FER: variants seen among roughly 807,000 people sequenced by gnomAD.
FER encodes FER tyrosine kinase, also known as tyrosine-protein kinase Fer.
In FER, 63 loss-of-function variants were observed where a neutral mutation model predicts 111.0. The observed-to-expected ratio is 0.57, with a 90% CI of 0.46 to 0.70. The LOEUF is 0.70. FER is among the 30% of genes least tolerant of loss of function. The probability of loss-of-function intolerance (pLI) is 0.00; values close to 1 mark genes in which losing one functional copy is unlikely to be tolerated. For synonymous variants in FER, 327 were observed against 313.9 expected (o/e 1.04, Z -0.44); for missense variants, 914 against 954.0 (o/e 0.96, Z 0.55).
rs868750514 is a variant in FER, at chr5:108,945,195, C to T, written c.1237-935C>T. On this transcript the variant is annotated intron_variant, in intron 10 of 19. Transcript: ENST00000281092. ...GGCATCACTAATGCTGGAAGACATA[C>T]GGAATTAGTGTGCTTGACAAAAGGA... 7.2e-5 allele frequency among the ~76,000 whole-genome samples: 11 copies of T among 152,186 alleles called. No homozygotes were observed. In the East Asian group the frequency reaches 7.7e-4, roughly 11 times the overall value.
intron 5 of FER, among the ~76,000 whole-genome samples, chr5:108,865,767 T>G (rs1763984075): frequency 1.3e-5 from 2 of 152,178 alleles, no homozygotes; most frequent in Admixed American, 6.5e-5. Flanking sequence ...CATCAAAAAG[T>G]GGGCGAAGGA....
intron 14 of FER, among the ~76,000 whole-genome samples, chr5:109,044,191 T>C (rs1409834943): frequency 6.6e-6 from 1 of 151,764 alleles, no homozygotes; most frequent in Non-Finnish European, 1.5e-5. Context: ...CCTTTTTTTT[T>C]TTTTGGAGAC....
intron 17 of FER, among the ~76,000 whole-genome samples, chr5:109,130,318 T>C (rs1196919094): frequency 6.6e-6 from 1 of 152,088 alleles, no homozygotes; most frequent in Non-Finnish European, 1.5e-5. Flanking sequence ...AGTTTTCCCC[T>C]GAGAAGGCTT....
intron 2 of FER, among the ~76,000 whole-genome samples, chr5:108,782,044 A>T (rs946456662): frequency 3.3e-5 from 5 of 151,962 alleles, no homozygotes; most frequent in African/African-American, 7.3e-5. Flanking sequence ...TAAGTTTCCC[A>T]CTTGTTGGCA....
chr5:108,823,243 A>G (rs1181070257), intron 3 of FER, among the ~76,000 whole-genome samples: 1 of 152,210 alleles, frequency 6.6e-6, no homozygotes, highest in African/African-American at 2.4e-5. Flanking sequence ...GACAATGAAC[A>G]TGAGATTACA....
Position 108,856,950 on chromosome 5 carries a change from A to G in FER, c.482-10817A>G, listed in dbSNP as rs557242437. Among the ~76,000 whole-genome samples the G allele has an allele frequency of 8.5e-5, 13 of 152,282 alleles. No individual in the cohort carries two copies. In the East Asian group the frequency reaches 2.3e-3, roughly 27 times the overall value. On this transcript the variant is annotated intron_variant, in intron 5 of 19. Coordinates refer to ENST00000281092, the MANE Select transcript of FER (RefSeq NM_005246.4). The stretch of plus-strand genomic sequence containing the variant: ...TAAATAATACCAGTTCTTTAGATAC[A>G]ATGAATATTCTGATACTTTAAAATT...
intron 17 of FER, among the ~76,000 whole-genome samples, chr5:109,144,511 A>G (rs921758173): frequency 2.0e-5 from 3 of 152,128 alleles, no homozygotes; most frequent in African/African-American, 4.8e-5. Context: ...CCAATTATCT[A>G]TGTATATCAG....
intron 17 of FER, among the ~76,000 whole-genome samples, chr5:109,172,185 G>A (rs1373077863): frequency 2.6e-5 from 4 of 151,884 alleles, no homozygotes; most frequent in Admixed American, 6.6e-5. Context: ...ACATGCACAC[G>A]TATGCTTATT....
chr5:108,835,003 A>AT (rs1221702328), intron 4 of FER, among the ~76,000 whole-genome samples: 4 of 152,038 alleles, frequency 2.6e-5, no homozygotes, highest in African/African-American at 9.7e-5. Flanking sequence ...TGGGACACAT[A>AT]TTTTTTCCTT....
At chr5:109,142,430 C>T (rs926368850) in intron 17 of FER, among the ~76,000 whole-genome samples, 2 of 152,162 alleles carry the variant, frequency 1.3e-5, no homozygotes, top group South Asian at 2.1e-4. Flanking sequence ...TACAAACAGG[C>T]AGGCTCCATC....
intron 16 of FER, among the ~76,000 whole-genome samples, chr5:109,093,442 G>A (rs752956713): frequency 9.9e-5 from 15 of 151,986 alleles, no homozygotes; most frequent in East Asian, 7.7e-4. Context: ...AAATCTTTAC[G>A]TTGTGTAAAT....
Position 109,004,989 on chromosome 5 carries a change from C to G in FER, c.1657-32433C>G, listed in dbSNP as rs573976683. On this transcript the variant is annotated intron_variant, in intron 13 of 19. Transcript: ENST00000281092. ...AAGCACTCCAGGATTAAGGAACAAA[C>G]TGACTAGGGATGGCTGATTTCTCGG... 2.2e-4 allele frequency among the ~76,000 whole-genome samples: 34 copies of G among 151,876 alleles called. No individual in the cohort carries two copies. In the South Asian group the frequency reaches 2.7e-3, roughly 12 times the overall value.
chr5:108,791,886 A>G (rs1350848740), intron 2 of FER, among the ~76,000 whole-genome samples: 1 of 152,162 alleles, frequency 6.6e-6, no homozygotes, highest in Non-Finnish European at 1.5e-5. Context: ...ATCCTGCTTC[A>G]TTGTTTTGCA....
chr5:108,764,186 G>C (rs1214067675), intron 1 of FER, among the ~76,000 whole-genome samples: 1 of 152,084 alleles, frequency 6.6e-6, no homozygotes, highest in Non-Finnish European at 1.5e-5. Context: ...TTAAGATGCT[G>C]CTACCAACAG....
intron 13 of FER, among the ~76,000 whole-genome samples, chr5:108,993,578 G>A (rs1203555783): frequency 1.4e-5 from 2 of 145,832 alleles, no homozygotes; most frequent in Non-Finnish European, 3.0e-5. Context: ...GTGGGGAGAG[G>A]GAGAGGGAGA....
chr5:109,055,954 A>C (rs908562584), intron 16 of FER, among the ~76,000 whole-genome samples: 7 of 152,182 alleles, frequency 4.6e-5, no homozygotes, highest in Non-Finnish European at 7.4e-5. Context: ...AAACATAAAA[A>C]TGGCCGACAG....
chr5:109,034,132 T>C (rs1770031230), intron 13 of FER, among the ~76,000 whole-genome samples: 1 of 152,196 alleles, frequency 6.6e-6, no homozygotes, highest in Non-Finnish European at 1.5e-5. Flanking sequence ...TCAACTTATC[T>C]CCATTCCTCA....
intron 13 of FER, among the ~76,000 whole-genome samples, chr5:108,967,155 G>A (rs930906772): frequency 2.6e-5 from 4 of 152,138 alleles, no homozygotes; most frequent in Non-Finnish European, 5.9e-5. Flanking sequence ...AGCTCAGCCC[G>A]CCTGTGTTAT....
chr5:108,760,158 G>GTTTT (rs36078731), intron 1 of FER, among the ~76,000 whole-genome samples: 4 of 141,086 alleles, frequency 2.8e-5, no homozygotes, highest in Non-Finnish European at 3.1e-5. Context: ...GCAGTCTTCT[G>GTTTT]TTTTTTTTTT....
Sources: gnomAD v4.1 joint callset for allele counts (sites outside exome capture counted in the v4.1 genomes callset) on GRCh38, gnomAD v4.1.1 for gene constraint, MANE v1.5 for transcripts, NCBI Gene and HGNC (gene_info 2026-07-23, HGNC 2026-07-21) for gene names.